LIPI: variants seen among roughly 807,000 people sequenced by gnomAD.
The protein encoded by LIPI is lipase I, also known as lipase member I.
In LIPI, 59 loss-of-function variants were observed where a neutral mutation model predicts 50.6. The ratio of observed to expected loss-of-function variants is 1.16; its 90% CI spans 0.94 to 1.45. The LOEUF is 1.45. Among genes scored for constraint, LIPI ranks in the 40% most tolerant of loss-of-function variants. The pLI, the probability that LIPI is intolerant of heterozygous loss-of-function variation, is 0.00. For missense variants in LIPI, 586 were observed against 536.3 expected, an observed-to-expected ratio of 1.09 and a Z score of -0.92; for synonymous variants, 203 against 178.2, an observed-to-expected ratio of 1.14 and a Z score of -1.11.
At chr21:14,193,440 A>G (rs986017482) in intron 1 of LIPI, among the ~76,000 whole-genome samples, 20 of 152,098 alleles carry the variant, frequency 1.3e-4, no homozygotes, top group African/African-American at 4.1e-4. Flanking sequence ...AACCCCCCCA[A>G]CTGAAAACAT....
chr21:14,201,353 A>G (rs2020045460), intron 1 of LIPI, among the ~76,000 whole-genome samples: 1 of 152,092 alleles, frequency 6.6e-6, no homozygotes, highest in East Asian at 1.9e-4. Flanking sequence ...TTTGCAAACT[A>G]TGCATCCAAC....
chr21:14,161,949 T>C (rs1461746655), intron 7 of LIPI, among the ~76,000 whole-genome samples: 2 of 141,438 alleles, frequency 1.4e-5, no homozygotes, highest in African/African-American at 5.1e-5. Flanking sequence ...GATATATAGA[T>C]ATATTATTTC....
intron 5 of LIPI, 116 bp from the exon 6 acceptor site, chr21:14,165,506 C>G (rs2018650385): frequency 2.8e-6 from 2 of 710,830 alleles, no homozygotes; most frequent in South Asian, 1.7e-5. Context: ...ATGAATATTA[C>G]TGACTATAAT....
chr21:14,109,091 GA>G lies in LIPI; in HGVS notation c.1296-12del. On this transcript the variant is annotated splice_polypyrimidine_tract_variant and intron_variant, in intron 9 of 9. Coordinates refer to ENST00000681601, the MANE Select transcript of LIPI (RefSeq NM_001302998.2). ...CTGCAAAGTGGTGGTCTGAGAAAGAGAAAAATGGAGAGAACAAAAAAATAAC... is the reference window on the plus strand; with the variant it reads ...CTGCAAAGTGGTGGTCTGAGAAAGAGAAAATGGAGAGAACAAAAAAATAAC... 1.3e-6 allele frequency: 2 copies of G among 1,576,834 alleles called. No individual in the cohort carries two copies. The highest frequency in any genetic ancestry group is 1.7e-6 in the Non-Finnish European group (2 of 1,147,458).
intron 1 of LIPI, among the ~76,000 whole-genome samples, chr21:14,202,213 C>T (rs2020079663): frequency 6.6e-6 from 1 of 152,196 alleles, no homozygotes; most frequent in Non-Finnish European, 1.5e-5. Context: ...ATATTCCATG[C>T]TCATGGGTAG....
intron 9 of LIPI, among the ~76,000 whole-genome samples, chr21:14,140,814 G>C (rs1386884473): frequency 6.6e-6 from 1 of 151,798 alleles, no homozygotes; most frequent in Non-Finnish European, 1.5e-5. Flanking sequence ...GAATATTACT[G>C]TTTCATAAAG....
intron 7 of LIPI, among the ~76,000 whole-genome samples, chr21:14,159,304 G>A (rs2018382019): frequency 1.3e-5 from 2 of 151,206 alleles, no homozygotes; most frequent in Middle Eastern, 3.2e-3. Flanking sequence ...TACGCACTAA[G>A]CCCAAGTAGA....
chr21:14,118,520 C>G (rs1427663460), intron 9 of LIPI, among the ~76,000 whole-genome samples: 1 of 152,158 alleles, frequency 6.6e-6, no homozygotes, highest in East Asian at 1.9e-4. Flanking sequence ...ACTGCAGGCT[C>G]AGATCTCCTT....
In LIPI at chr21:14,199,545, T is replaced by A. The variant is rs929953886; in HGVS notation, c.47-10126A>T. Among the ~76,000 whole-genome samples the A allele has an allele frequency of 2.6e-5, 4 of 151,768 alleles. No homozygotes were observed. In the South Asian group the frequency reaches 8.3e-4, roughly 32 times the overall value. ...CTCCCAAGACAGACTTCAGGAAGAATTGGAATCCCTGAACATACCAGTGAT... is the reference window on the plus strand; with the variant it reads ...CTCCCAAGACAGACTTCAGGAAGAAATGGAATCCCTGAACATACCAGTGAT... On this transcript the variant is annotated intron_variant, in intron 1 of 9. Transcript: ENST00000681601.
intron 4 of LIPI, among the ~76,000 whole-genome samples, chr21:14,173,292 CT>C (rs2018984701): frequency 6.6e-6 from 1 of 152,160 alleles, no homozygotes; most frequent in Non-Finnish European, 1.5e-5. Context: ...TTTCTAAGAC[CT>C]GCTGGTGCTG....
chr21:14,136,714 G>A (rs567703601), intron 9 of LIPI, among the ~76,000 whole-genome samples: 2 of 152,128 alleles, frequency 1.3e-5, no homozygotes, highest in Non-Finnish European at 2.9e-5. Flanking sequence ...CCAGGGCCTT[G>A]AGTGAACATA....
At chr21:14,140,263 T>A (rs991475731) in intron 9 of LIPI, among the ~76,000 whole-genome samples, 3 of 152,126 alleles carry the variant, frequency 2.0e-5, no homozygotes, top group African/African-American at 7.2e-5. Flanking sequence ...ACAAAGAGAT[T>A]TCATGATTGG....
intron 8 of LIPI, among the ~76,000 whole-genome samples, chr21:14,147,305 T>C (rs2017942089): frequency 6.6e-6 from 1 of 152,176 alleles, no homozygotes; most frequent in Non-Finnish European, 1.5e-5. Flanking sequence ...CATTATGATT[T>C]ATGTCAAGAC....
intron 8 of LIPI, among the ~76,000 whole-genome samples, chr21:14,148,865 AT>A (rs1411781042): frequency 6.6e-6 from 1 of 152,238 alleles, no homozygotes; most frequent in Non-Finnish European, 1.5e-5. Context: ...ATGTTCCTGT[AT>A]TTTATATTCC....
At chr21:14,122,264 G>A (rs1428234736) in intron 9 of LIPI, among the ~76,000 whole-genome samples, 1 of 152,056 alleles carries the variant, frequency 6.6e-6, no homozygotes, top group Non-Finnish European at 1.5e-5. Context: ...AATCCCCTGG[G>A]GACATGTGTT....
At chr21:14,159,744 A>G (rs1221464755) in intron 7 of LIPI, among the ~76,000 whole-genome samples, 2 of 151,452 alleles carry the variant, frequency 1.3e-5, no homozygotes, top group Admixed American at 6.6e-5. Context: ...GAAAATTCCA[A>G]TGAATCTATT....
At chr21:14,169,713 A>G (rs1013817872) in intron 4 of LIPI, among the ~76,000 whole-genome samples, 1 of 152,096 alleles carries the variant, frequency 6.6e-6, no homozygotes, top group African/African-American at 2.4e-5. Context: ...CATTCAAAGC[A>G]GTGTGTAGAG....
At chr21:14,160,149 G>A (rs1322336216) in intron 7 of LIPI, among the ~76,000 whole-genome samples, 1 of 151,274 alleles carries the variant, frequency 6.6e-6, no homozygotes, top group Non-Finnish European at 1.5e-5. Context: ...ATATTGAAAT[G>A]TACATACACT....
intron 9 of LIPI, among the ~76,000 whole-genome samples, chr21:14,140,256 AAG>A (rs2017656609): frequency 6.6e-6 from 1 of 152,118 alleles, no homozygotes; most frequent in Non-Finnish European, 1.5e-5. Context: ...GGTAGGAACA[AAG>A]AGATTTCATG....
Sources: gnomAD v4.1 joint callset for allele counts (sites outside exome capture counted in the v4.1 genomes callset) on GRCh38, gnomAD v4.1.1 for gene constraint, MANE v1.5 for transcripts, NCBI Gene and HGNC (gene_info 2026-07-23, HGNC 2026-07-21) for gene names.